The following MGAT5 variants were observed in gnomAD, a reference collection of about 807,000 sequenced individuals.
MGAT5 encodes the protein alpha-1,6-mannosylglycoprotein 6-beta-N-acetylglucosaminyltransferase.
Under a neutral mutation model 94.3 loss-of-function variants are expected in MGAT5, and 30 were observed. The observed-to-expected ratio is 0.32, with a 90% CI of 0.24 to 0.43. MGAT5 has a LOEUF of 0.43. Among genes scored for constraint, MGAT5 ranks in the 20% least tolerant of loss-of-function variants. The pLI, the probability that MGAT5 is intolerant of heterozygous loss-of-function variation, is 1.00. For missense variants in MGAT5, 691 were observed against 905.5 expected, an observed-to-expected ratio of 0.76 and a Z score of 3.04; for synonymous variants, 310 against 322.9, an observed-to-expected ratio of 0.96 and a Z score of 0.43.
chr2:134,362,211 T>A (rs1004479305), intron 9 of MGAT5, 64 bp from the exon 10 acceptor site: 2 of 1,570,370 alleles, frequency 1.3e-6, no homozygotes, highest in East Asian at 2.2e-5. Flanking sequence ...GTGTTAAATA[T>A]GTGATTGTTA....
intron 1 of MGAT5, among the ~76,000 whole-genome samples, chr2:134,159,406 G>C (rs1346155208): frequency 2.0e-5 from 3 of 152,190 alleles, no homozygotes; most frequent in Non-Finnish European, 4.4e-5. Flanking sequence ...TGCTCAGACA[G>C]AAGGTTTCTA....
chr2:134,177,144 C>CGTGTGTGTGTGTGTGTGTGTGTGT (rs141358502), intron 1 of MGAT5, among the ~76,000 whole-genome samples: 10,965 of 142,426 alleles, frequency 0.077, 766 homozygotes, highest in African/African-American at 0.16. Flanking sequence ...CAAATGAACC[C>CGTGTGTGTGTGTGTGTGTGTGTGT]GTGTGTGTGT....
intron 1 of MGAT5, among the ~76,000 whole-genome samples, chr2:134,228,218 T>G (rs76729926): frequency 0.012 from 1,861 of 152,240 alleles, 36 homozygotes; most frequent in African/African-American, 0.043. Context: ...TAGAAAAGAA[T>G]GGGTGCAGTG....
chr2:134,244,159 A>T (rs1379223819), intron 1 of MGAT5, among the ~76,000 whole-genome samples: 1 of 152,204 alleles, frequency 6.6e-6, no homozygotes, highest in Non-Finnish European at 1.5e-5. Flanking sequence ...TTCAACATTA[A>T]GGAGACCTAC....
intron 1 of MGAT5, among the ~76,000 whole-genome samples, chr2:134,129,802 G>T (rs192793603): frequency 6.6e-6 from 1 of 151,992 alleles, no homozygotes; most frequent in Non-Finnish European, 1.5e-5. Context: ...GCCCTCGCTC[G>T]CTCTCAGCAC....
At chr2:134,138,866 G>A (rs1365062770) in intron 1 of MGAT5, among the ~76,000 whole-genome samples, 1 of 152,138 alleles carries the variant, frequency 6.6e-6, no homozygotes, top group African/African-American at 2.4e-5. Flanking sequence ...TGATTATGCT[G>A]GGATAACAGG....
intron 1 of MGAT5, among the ~76,000 whole-genome samples, chr2:134,258,618 T>TTG (rs59554396): frequency 0.036 from 5,457 of 151,878 alleles, 211 homozygotes; most frequent in African/African-American, 0.097. Context: ...CTACTGGATT[T>TTG]TGTGTGTGTG....
intron 1 of MGAT5, among the ~76,000 whole-genome samples, chr2:134,194,803 TC>T (rs546428659): frequency 1.0e-3 from 153 of 152,304 alleles, no homozygotes; most frequent in Non-Finnish European, 1.8e-3. Flanking sequence ...CATGTACTGT[TC>T]AAGGCCCTGG....
At chr2:134,349,749 C>T in intron 8 of MGAT5, 56 bp from the exon 9 acceptor site, 1 of 1,596,794 alleles carries the variant, frequency 6.3e-7, no homozygotes, top group Non-Finnish European at 8.5e-7. Flanking sequence ...GAGCTTTTAC[C>T]TTTTCAACTT....
At position 134,141,873 on chromosome 2, in the gene MGAT5, G is replaced by C. The variant is rs144779323; in HGVS notation, c.-143+21582G>C. Among the ~76,000 whole-genome samples, 237 of 152,340 alleles carry C rather than the reference G, an allele frequency of 1.6e-3. 1 individual carries two copies. Among genetic ancestry groups the C allele is most frequent in the Non-Finnish European group, 2.9e-3 (198 of 68,036 alleles). On this transcript the variant is annotated intron_variant, in intron 1 of 16. Transcript: ENST00000409645. ...AAAAGCCTTCCTTTGGAATGCATTT[G>C]GACTTGCTCCTGAGAGCAGTGGAGA...
intron 2 of MGAT5, among the ~76,000 whole-genome samples, chr2:134,272,274 G>A (rs1396718053): frequency 6.6e-6 from 1 of 152,158 alleles, no homozygotes; most frequent in Non-Finnish European, 1.5e-5. Flanking sequence ...CAAGCATCAT[G>A]TTCTCTAAGC....
intron 1 of MGAT5, among the ~76,000 whole-genome samples, chr2:134,217,255 G>GTGTGTGTT (rs1680546909): frequency 6.6e-6 from 1 of 151,034 alleles, no homozygotes; most frequent in Non-Finnish European, 1.5e-5. Flanking sequence ...GTGTGTGTGT[G>GTGTGTGTT]TGTGTGTGTG....
rs140325471 is a variant in MGAT5, at chr2:134,394,856, T to G, written c.1381-8132T>G. Reference sequence around the variant, plus strand: ...ATCTGGCCAAGCTCATCAAGCTATCTCCTCCTTTCAGGAAAGGATATTCAG... The same window carrying G: ...ATCTGGCCAAGCTCATCAAGCTATCGCCTCCTTTCAGGAAAGGATATTCAG... On this transcript the variant is annotated intron_variant, in intron 10 of 15. Coordinates refer to ENST00000281923, the MANE Select transcript of MGAT5 (RefSeq NM_002410.5). 4.6e-5 allele frequency among the ~76,000 whole-genome samples: 7 copies of G among 152,320 alleles called. No individual in the cohort carries two copies. The East Asian group carries it at 7.7e-4, about 17-fold the overall frequency.
intron 1 of MGAT5, among the ~76,000 whole-genome samples, chr2:134,168,820 G>A (rs1337273964): frequency 6.6e-6 from 1 of 152,198 alleles, no homozygotes; most frequent in Non-Finnish European, 1.5e-5. Flanking sequence ...AAAAGATAGG[G>A]AAATCCGTGG....
intron 2 of MGAT5, among the ~76,000 whole-genome samples, chr2:134,305,442 A>G (rs1010715372): frequency 2.0e-5 from 3 of 152,186 alleles, no homozygotes; most frequent in Admixed American, 6.5e-5. Flanking sequence ...GGCAATTTAT[A>G]CTATCTTAAA....
At chr2:134,433,216 T>A (rs1395453499) in intron 14 of MGAT5, among the ~76,000 whole-genome samples, 1 of 152,230 alleles carries the variant, frequency 6.6e-6, no homozygotes, top group Non-Finnish European at 1.5e-5. Flanking sequence ...GTTAAATGTG[T>A]CAGAACTGAT....
At chr2:134,280,133 T>G (rs1487140524) in intron 2 of MGAT5, among the ~76,000 whole-genome samples, 1 of 152,160 alleles carries the variant, frequency 6.6e-6, no homozygotes, top group Non-Finnish European at 1.5e-5. Context: ...CAGTTGCTAG[T>G]TTTTGTTTTT....
At chr2:134,364,271 G>A (rs559548314) in intron 10 of MGAT5, among the ~76,000 whole-genome samples, 1 of 152,164 alleles carries the variant, frequency 6.6e-6, no homozygotes, top group Non-Finnish European at 1.5e-5. Flanking sequence ...AGGCTGAGGC[G>A]GGTGGATCAC....
intron 1 of MGAT5, among the ~76,000 whole-genome samples, chr2:134,202,185 G>A (rs977041206): frequency 1.3e-5 from 2 of 151,978 alleles, no homozygotes; most frequent in African/African-American, 2.4e-5. Flanking sequence ...GTCTTTTGCC[G>A]ACTGCTATGG....
Sources: gnomAD v4.1 joint callset for allele counts (sites outside exome capture counted in the v4.1 genomes callset) on GRCh38, gnomAD v4.1.1 for gene constraint, MANE v1.5 for transcripts, NCBI Gene and HGNC (gene_info 2026-07-23, HGNC 2026-07-21) for gene names.